Variants in GABRB1 observed in about 807,000 individuals in gnomAD.
GABRB1 encodes the protein gamma-aminobutyric acid receptor subunit beta-1.
A neutral mutation model predicts 51.6 loss-of-function variants in GABRB1; 17 were observed. That is an observed-to-expected ratio of 0.33 (90% CI 0.23 to 0.49). The LOEUF is 0.49. GABRB1 is among the 20% of genes least tolerant of loss of function. The pLI is 0.99. For synonymous variants in GABRB1, 247 were observed against 218.9 expected, an observed-to-expected ratio of 1.13 and a Z score of -1.14; for missense variants, 410 against 600.6, an observed-to-expected ratio of 0.68 and a Z score of 3.32.
intron 4 of GABRB1, among the ~76,000 whole-genome samples, chr4:47,282,327 C>T (rs1578060759): frequency 6.6e-6 from 1 of 152,182 alleles, no homozygotes; most frequent in African/African-American, 2.4e-5. Context: ...CTCTGTTATA[C>T]CTGTAGTCTT....
chr4:47,366,320 G>C (rs932600268), intron 5 of GABRB1, among the ~76,000 whole-genome samples: 3 of 152,162 alleles, frequency 2.0e-5, no homozygotes, highest in African/African-American at 7.2e-5. Context: ...TCAGGTAGCA[G>C]AGTGTCTCCT....
At position 47,403,724 on chromosome 4, in the gene GABRB1, C is replaced by T. The variant is rs1409954495; in HGVS notation, c.835+13C>T. 2.5e-6 allele frequency: 4 copies of T among 1,609,146 alleles called. No individual in the cohort carries two copies. Among genetic ancestry groups the T allele is most frequent in the Non-Finnish European group, 3.4e-6 (4 of 1,179,322 alleles). The stretch of plus-strand genomic sequence containing the variant: ...AGAGTCGCACTAGGTAATACATTCT[C>T]AGCACTGCAGAGAGCTAACAGATTT... On this transcript the variant is annotated intron_variant, in intron 7 of 8. Transcript: ENST00000295454.
chr4:47,164,288 G>A (rs947953936), intron 4 of GABRB1, among the ~76,000 whole-genome samples: 1 of 152,024 alleles, frequency 6.6e-6, no homozygotes. Flanking sequence ...ATTAGGGCAT[G>A]TTCATTTTAA....
At chr4:47,185,842 A>G (rs1192241145) in intron 4 of GABRB1, among the ~76,000 whole-genome samples, 2 of 151,852 alleles carry the variant, frequency 1.3e-5, no homozygotes, top group Non-Finnish European at 2.9e-5. Flanking sequence ...AAAAGTAATC[A>G]AAAGTTGGCC....
At chr4:47,272,942 A>G (rs1174274851) in intron 4 of GABRB1, among the ~76,000 whole-genome samples, 1 of 152,118 alleles carries the variant, frequency 6.6e-6, no homozygotes, top group Non-Finnish European at 1.5e-5. Flanking sequence ...ACCATAATCA[A>G]TTATTCACAG....
intron 4 of GABRB1, among the ~76,000 whole-genome samples, chr4:47,182,322 A>T (rs1156998412): frequency 2.6e-5 from 4 of 151,976 alleles, no homozygotes; most frequent in Non-Finnish European, 5.9e-5. Context: ...TGCAGTAGAG[A>T]TTCATGGTTT....
intron 3 of GABRB1, among the ~76,000 whole-genome samples, chr4:47,101,953 G>A (rs1714742200): frequency 6.6e-6 from 1 of 152,022 alleles, no homozygotes; most frequent in Admixed American, 6.6e-5. Context: ...CATGTCTGAA[G>A]TATATTTCTA....
chr4:47,157,494 A>G (rs1004375467), intron 3 of GABRB1, among the ~76,000 whole-genome samples: 3 of 152,066 alleles, frequency 2.0e-5, no homozygotes, highest in Non-Finnish European at 4.4e-5. Context: ...AGGGACGGAT[A>G]AAAAAATTGT....
intron 3 of GABRB1, among the ~76,000 whole-genome samples, chr4:47,097,773 A>G (rs1164653699): frequency 3.3e-5 from 5 of 152,188 alleles, no homozygotes; most frequent in Non-Finnish European, 7.4e-5. Flanking sequence ...TCATAATAAC[A>G]TTTATATTCA....
At chr4:47,395,850 T>C (rs1180885708) in intron 5 of GABRB1, among the ~76,000 whole-genome samples, 1 of 152,198 alleles carries the variant, frequency 6.6e-6, no homozygotes, top group African/African-American at 2.4e-5. Flanking sequence ...AATATGTTTC[T>C]GTTTTTCCCA....
chr4:47,410,228 G>GA (rs1351476597), intron 8 of GABRB1, among the ~76,000 whole-genome samples: 1 of 152,124 alleles, frequency 6.6e-6, no homozygotes, highest in Non-Finnish European at 1.5e-5. Flanking sequence ...GATTTCCACA[G>GA]AAAAATAGAC....
chr4:47,376,991 A>T (rs1209880526), intron 5 of GABRB1, among the ~76,000 whole-genome samples: 1 of 152,130 alleles, frequency 6.6e-6, no homozygotes, highest in Admixed American at 6.5e-5. Flanking sequence ...TACTTTTCAC[A>T]TCACATTGTA....
At chr4:47,317,019 G>C (rs942799259) in intron 4 of GABRB1, among the ~76,000 whole-genome samples, 4 of 151,704 alleles carry the variant, frequency 2.6e-5, no homozygotes, top group Admixed American at 2.6e-4. Context: ...TATTTCATTT[G>C]TACTTTACAT....
intron 4 of GABRB1, among the ~76,000 whole-genome samples, chr4:47,319,118 A>C (rs1365554850): frequency 6.6e-6 from 1 of 152,096 alleles, no homozygotes; most frequent in Non-Finnish European, 1.5e-5. Flanking sequence ...TGGAAATGCC[A>C]TAATTCATTT....
intron 3 of GABRB1, among the ~76,000 whole-genome samples, chr4:47,073,267 G>A (rs1002451231): frequency 6.6e-6 from 1 of 152,136 alleles, no homozygotes; most frequent in Non-Finnish European, 1.5e-5. Context: ...CATATTTAGA[G>A]CTCTCCTAAT....
chr4:46,993,717 G>C, upstream of GABRB1: 1 of 318,102 alleles, frequency 3.1e-6, no homozygotes. Context: ...TCTGGGGTTC[G>C]TATCCGCGCG....
intron 4 of GABRB1, among the ~76,000 whole-genome samples, chr4:47,235,629 C>T (rs1012532885): frequency 6.6e-6 from 1 of 151,772 alleles, no homozygotes; most frequent in African/African-American, 2.4e-5. Context: ...AGACTAACTC[C>T]CTAAATTTAT....
intron 5 of GABRB1, among the ~76,000 whole-genome samples, chr4:47,381,374 A>C (rs993856617): frequency 1.3e-5 from 2 of 152,110 alleles, no homozygotes; most frequent in Admixed American, 1.3e-4. Flanking sequence ...TCAAGACTTA[A>C]CTGGTCTTTG....
At chr4:47,219,605 G>A (rs879002020) in intron 4 of GABRB1, among the ~76,000 whole-genome samples, 2 of 151,706 alleles carry the variant, frequency 1.3e-5, no homozygotes, top group Non-Finnish European at 2.9e-5. Context: ...TTCAGTCACT[G>A]TTCTTTGGTA....
Sources: gnomAD v4.1 joint callset for allele counts (sites outside exome capture counted in the v4.1 genomes callset) on GRCh38, gnomAD v4.1.1 for gene constraint, MANE v1.5 for transcripts, NCBI Gene and HGNC (gene_info 2026-07-23, HGNC 2026-07-21) for gene names.